Variants in SLC35B3 observed in about 807,000 individuals in gnomAD.
The protein encoded by SLC35B3 is adenosine 3'-phospho 5'-phosphosulfate transporter 2.
In SLC35B3, 35 loss-of-function variants were observed where a neutral mutation model predicts 44.1. The observed-to-expected ratio is 0.79, with a 90% CI of 0.61 to 1.05. SLC35B3 has a LOEUF of 1.05. Among genes scored for constraint, SLC35B3 ranks in the 50% least tolerant of loss-of-function variants. SLC35B3 has a pLI of 0.00. For synonymous variants in SLC35B3, 146 were observed against 167.3 expected (o/e 0.87, Z 0.98); for missense variants, 414 against 476.4 (o/e 0.87, Z 1.22).
At chr6:8,430,891 C>T (rs1763916428) in intron 2 of SLC35B3, among the ~76,000 whole-genome samples, 2 of 147,338 alleles carry the variant, frequency 1.4e-5, no homozygotes, top group South Asian at 4.4e-4. Flanking sequence ...GAGCCAGACC[C>T]TGTCTCTAGA....
chr6:8,417,366 A>T, intron 8 of SLC35B3, 36 bp downstream of exon 7: 1 of 1,306,986 alleles, frequency 7.7e-7, no homozygotes. Flanking sequence ...ATTATTTAAC[A>T]GAAGATTTTT....
intron 2 of SLC35B3, among the ~76,000 whole-genome samples, chr6:8,431,837 C>A (rs1338258469): frequency 6.6e-6 from 1 of 152,144 alleles, no homozygotes; most frequent in Non-Finnish European, 1.5e-5. Context: ...TTCAAATAAA[C>A]CCGGCCTTAC....
At chr6:8,429,599 C>T (rs952948239) in intron 3 of SLC35B3, among the ~76,000 whole-genome samples, 4 of 152,096 alleles carry the variant, frequency 2.6e-5, no homozygotes, top group Admixed American at 1.3e-4. Context: ...CTTGGAAGCA[C>T]ACATTTTGTT....
intron 4 of SLC35B3, among the ~76,000 whole-genome samples, chr6:8,426,291 C>T (rs59205365): frequency 0.03 from 4,615 of 152,160 alleles, 250 homozygotes; most frequent in African/African-American, 0.11. Flanking sequence ...ATTTATGTTT[C>T]ATATATACAT....
At chr6:8,431,510 A>G (rs1763983189) in intron 2 of SLC35B3, among the ~76,000 whole-genome samples, 1 of 152,226 alleles carries the variant, frequency 6.6e-6, no homozygotes, top group Admixed American at 6.5e-5. Flanking sequence ...AACTAAAAAT[A>G]TGCAGCCACC....
In SLC35B3 at chr6:8,411,435, T is replaced by A. The variant is rs1217330530; in HGVS notation, c.*2114A>T. Among the ~76,000 whole-genome samples the A allele has an allele frequency of 6.6e-6, 1 of 152,154 alleles. No individual in the cohort carries two copies. The highest frequency in any genetic ancestry group is 1.5e-5 in the Non-Finnish European group (1 of 68,022). On this transcript the variant is annotated 3_prime_UTR_variant, in exon 11 of 11. Coordinates refer to ENST00000644923, the MANE Select transcript of SLC35B3 (RefSeq NM_001370476.2). Reference sequence around the variant, plus strand: ...ATATTAGGAAAGTGTAGAGGCAAAATAAGGCTTTGATAAGTCAAATTTATA... The same window carrying A: ...ATATTAGGAAAGTGTAGAGGCAAAAAAAGGCTTTGATAAGTCAAATTTATA...
rs548657952 is a variant in SLC35B3, at chr6:8,417,383, A to T, written c.873+19T>A. 88 of 1,407,608 alleles carry T rather than the reference A, an allele frequency of 6.3e-5. No homozygotes were observed. The highest frequency in any genetic ancestry group is 2.1e-4 in the East Asian group (9 of 43,158). 87.2% of individuals were successfully genotyped at this position (1,407,608 alleles called of 1,614,324 possible). On this transcript the variant is annotated intron_variant, in intron 8 of 10. Coordinates refer to ENST00000644923, the MANE Select transcript of SLC35B3 (RefSeq NM_001370476.2). ...TATTTAACAGAAGATTTTTTTTTTTAAATGTGATTAGTGTTTACCTTTGCA... is the reference window on the plus strand; with the variant it reads ...TATTTAACAGAAGATTTTTTTTTTTTAATGTGATTAGTGTTTACCTTTGCA...
At chr6:8,415,351 A>C (rs1223195496) in intron 9 of SLC35B3, among the ~76,000 whole-genome samples, 1 of 152,220 alleles carries the variant, frequency 6.6e-6, no homozygotes, top group Non-Finnish European at 1.5e-5. Context: ...AGTAATCTAA[A>C]GGATATACTC....
chr6:8,422,897 T>C (rs1214363607), intron 4 of SLC35B3, among the ~76,000 whole-genome samples: 1 of 145,510 alleles, frequency 6.9e-6, no homozygotes, highest in Non-Finnish European at 1.5e-5. Flanking sequence ...GGTATAAATG[T>C]TGACAAAAGG....
At chr6:8,418,251 C>T (rs1054790395) in intron 7 of SLC35B3, among the ~76,000 whole-genome samples, 4 of 152,086 alleles carry the variant, frequency 2.6e-5, no homozygotes, top group Non-Finnish European at 5.9e-5. Context: ...TTTCTAACAA[C>T]CTACACTCCC....
Position 8,428,643 on chromosome 6 carries a change from G to T in SLC35B3, c.298-585C>A, listed in dbSNP as rs1581264628. ...AAACCAATTATAAACTAAAATATCTGATTATTAATTAGAGAAAATTTATTT... is the reference window on the plus strand; with the variant it reads ...AAACCAATTATAAACTAAAATATCTTATTATTAATTAGAGAAAATTTATTT... On this transcript the variant is annotated intron_variant, in intron 3 of 10. Transcript: ENST00000644923. 2.6e-5 allele frequency among the ~76,000 whole-genome samples: 4 copies of T among 152,212 alleles called. No individual in the cohort carries two copies. In the South Asian group the frequency reaches 8.3e-4, roughly 32 times the overall value.
At position 8,411,779 on chromosome 6, in the gene SLC35B3, A is replaced by G. The variant is rs1442420925; in HGVS notation, c.*1770T>C. Reference sequence around the variant, plus strand: ...GAATGAGATTAACTATTCCAAGTATATTATACTCACAAAATATAAACAGTG... The same window carrying G: ...GAATGAGATTAACTATTCCAAGTATGTTATACTCACAAAATATAAACAGTG... On this transcript the variant is annotated 3_prime_UTR_variant, in exon 11 of 11. Coordinates refer to ENST00000644923, the MANE Select transcript of SLC35B3 (RefSeq NM_001370476.2). Among the ~76,000 whole-genome samples, 1 of 152,212 alleles carries G rather than the reference A, an allele frequency of 6.6e-6. No homozygotes were observed. The highest frequency in any genetic ancestry group is 1.5e-5 in the Non-Finnish European group (1 of 68,042).
chr6:8,420,764 A>AAACCAT lies in SLC35B3; in HGVS notation c.633_638dup (p.Trp212_Phe213insLeuTrp). 1 of 1,613,654 alleles carries AAACCAT rather than the reference A, an allele frequency of 6.2e-7. No homozygotes were observed. Among genetic ancestry groups the AAACCAT allele is most frequent in the Non-Finnish European group, 8.5e-7 (1 of 1,179,592 alleles). On this transcript the variant is annotated inframe_insertion, in exon 6 of 11. Transcript: ENST00000644923. The surrounding 1 kb of genome is among the most constrained non-coding windows in gnomAD (Gnocchi z 4.4). ...GTGCAGTTGTGCTGTCAGCGAGGGTAAACCATATCAGGCCAAGGCTCATAC... is the reference window on the plus strand; with the variant it reads ...GTGCAGTTGTGCTGTCAGCGAGGGTAAACCATAACCATATCAGGCCAAGGCTCATAC...
At position 8,428,017 on chromosome 6, in the gene SLC35B3, C is replaced by G; in HGVS notation, c.339G>C (p.Trp113Cys). The change falls in exon 4 of 11, where the codon TGG becomes TGC. Residue 113 changes from tryptophan to cysteine, a missense_variant. Trp to Cys is a radical substitution (Grantham distance 215, BLOSUM62 -2). Transcript: ENST00000644923. ...AGGCAAACTGCACTAAGGTAAGGTA[C>G]CAGCCACAGGACTTAAAACCCTCCA... 3.1e-6 allele frequency: 5 copies of G among 1,609,034 alleles called. No homozygotes were observed. The highest frequency in any genetic ancestry group is 4.2e-6 in the Non-Finnish European group (5 of 1,177,202).
Position 8,431,371 on chromosome 6 carries a change from C to A in SLC35B3, c.4-1214G>T, listed in dbSNP as rs1763968538. Among the ~76,000 whole-genome samples the A allele has an allele frequency of 2.6e-5, 4 of 152,128 alleles. No individual in the cohort carries two copies. In the South Asian group the frequency reaches 6.2e-4, roughly 24 times the overall value. On this transcript the variant is annotated intron_variant, in intron 2 of 10. Transcript: ENST00000644923. ...TTGGTAATGTTTTTTTAAACTGTTA[C>A]AAGATGGCTTAAAATGGCCAAAATT...
chr6:8,433,015 C>G lies in SLC35B3; in HGVS notation c.3+1370G>C, dbSNP rs764553728. On this transcript the variant is annotated intron_variant, in intron 2 of 10. Coordinates refer to ENST00000644923, the MANE Select transcript of SLC35B3 (RefSeq NM_001370476.2). The surrounding 1 kb of genome is among the most constrained non-coding windows in gnomAD (Gnocchi z 4.1). Reference sequence around the variant, plus strand: ...TTCCTATATTCCCAATCTCACTTAACAGTACCTAGTATGAAACACAAGCTA... The same window carrying G: ...TTCCTATATTCCCAATCTCACTTAAGAGTACCTAGTATGAAACACAAGCTA... 6.6e-6 allele frequency among the ~76,000 whole-genome samples: 1 copy of G among 152,194 alleles called. No homozygotes were observed. The highest frequency in any genetic ancestry group is 6.5e-5 in the Admixed American group (1 of 15,282).
Position 8,434,418 on chromosome 6 carries a change from A to G in SLC35B3, c.-31T>C, listed in dbSNP as rs772882349. 1 of 1,612,578 alleles carries G rather than the reference A, an allele frequency of 6.2e-7. No homozygotes were observed. On this transcript the variant is annotated 5_prime_UTR_variant, in exon 2 of 11. Transcript: ENST00000644923. The surrounding 1 kb of genome is among the most constrained non-coding windows in gnomAD (Gnocchi z 6.3). The stretch of plus-strand genomic sequence containing the variant: ...TATGCCTTGATTAACTGCGCTCCGG[A>G]ATCAATCATGGCCTATGGTGTACGA...
intron 5 of SLC35B3, among the ~76,000 whole-genome samples, chr6:8,421,240 G>A (rs981975721): frequency 6.6e-6 from 1 of 152,106 alleles, no homozygotes; most frequent in African/African-American, 2.4e-5. Context: ...TTACATAACT[G>A]TTTAAGTTTG....
In SLC35B3 at chr6:8,422,634, A is replaced by G; in HGVS notation, c.420-10T>C. On this transcript the variant is annotated splice_polypyrimidine_tract_variant and intron_variant, in intron 4 of 10. Coordinates refer to ENST00000644923, the MANE Select transcript of SLC35B3 (RefSeq NM_001370476.2). ...GGTTTTTCCTGGTATTCTGTAAAAG[A>G]CAATTTTTAAAACCTTCATTTTGGG... 6.3e-7 allele frequency: 1 copy of G among 1,599,036 alleles called. No homozygotes were observed. Among genetic ancestry groups the G allele is most frequent in the Non-Finnish European group, 8.5e-7 (1 of 1,174,750 alleles).
Sources: allele counts gnomAD v4.1 joint callset (sites outside exome capture counted in the v4.1 genomes callset), GRCh38; gene constraint gnomAD v4.1.1; non-coding constraint Gnocchi (gnomAD v3.1); transcripts MANE v1.5; gene names NCBI Gene and HGNC (gene_info 2026-07-23, HGNC 2026-07-21).